The following BZW2 variants were observed in gnomAD, a reference collection of about 807,000 sequenced individuals.
BZW2 encodes eIF5-mimic protein 1.
A neutral mutation model predicts 53.2 loss-of-function variants in BZW2; 23 were observed. The ratio of observed to expected loss-of-function variants is 0.43; its 90% CI spans 0.31 to 0.61. The LOEUF (loss-of-function observed/expected upper bound fraction) is 0.61. Ranked by LOEUF, BZW2 falls within the 20% of genes least tolerant of loss-of-function variation. BZW2 has a pLI of 0.09. For synonymous variants in BZW2, 227 were observed against 186.4 expected (o/e 1.22, Z -1.77); for missense variants, 409 against 503.1 (o/e 0.81, Z 1.79).
chr7:16,667,292 A>C (rs1414329990), intron 2 of BZW2, among the ~76,000 whole-genome samples: 10 of 148,908 alleles, frequency 6.7e-5, no homozygotes, highest in African/African-American at 2.6e-4. Flanking sequence ...AAAAAAAAAA[A>C]CAAAAAAAAA....
intron 6 of BZW2, among the ~76,000 whole-genome samples, chr7:16,687,802 G>T (rs113720003): frequency 6.6e-6 from 1 of 152,116 alleles, no homozygotes; most frequent in Non-Finnish European, 1.5e-5. Context: ...AGGGAGATGG[G>T]ATTATCCTAC....
chr7:16,651,730 A>C (rs1333999661), intron 1 of BZW2, among the ~76,000 whole-genome samples: 2 of 152,170 alleles, frequency 1.3e-5, no homozygotes, highest in Non-Finnish European at 2.9e-5. Flanking sequence ...TATGTCCCTA[A>C]GAGGCAATAT....
At chr7:16,656,130 TA>T (rs1421390338) in intron 1 of BZW2, among the ~76,000 whole-genome samples, 1 of 150,344 alleles carries the variant, frequency 6.7e-6, no homozygotes, top group Non-Finnish European at 1.5e-5. Flanking sequence ...TGTATATATA[TA>T]AATGACTATA....
At chr7:16,700,297 C>T (rs914160552) in intron 10 of BZW2, among the ~76,000 whole-genome samples, 1 of 152,156 alleles carries the variant, frequency 6.6e-6, no homozygotes, top group Non-Finnish European at 1.5e-5. Context: ...TTCCATACCA[C>T]CGTTAAGAGC....
rs1187427321 is a variant in BZW2, at chr7:16,646,213, T to TGCTGCTGCTGCC, written c.-71_-60dup. On this transcript the variant is annotated 5_prime_UTR_variant, in exon 1 of 12. Transcript: ENST00000258761. ...CATTGTCTGCCGCCACTGCTGCTGC[T>TGCTGCTGCTGCC]GCTGCTGCTGCCGCTGCTGCTGCAC... The TGCTGCTGCTGCC allele has an allele frequency of 1.2e-5, 4 of 345,418 alleles. No individual in the cohort carries two copies. Among genetic ancestry groups the TGCTGCTGCTGCC allele is most frequent in the East Asian group, 1.2e-4 (1 of 8,386 alleles). The allele number at this position is 345,418 out of a possible 1,614,324, so 21.4% of individuals were successfully genotyped here. A position where few individuals can be genotyped will look rare whatever the true frequency, so the allele number is the denominator to read the frequency against.
chr7:16,651,524 G>A (rs796375242), intron 1 of BZW2, among the ~76,000 whole-genome samples: 2 of 152,190 alleles, frequency 1.3e-5, no homozygotes, highest in South Asian at 4.1e-4. Context: ...AATTGAATGG[G>A]ACTATTATAA....
At chr7:16,694,671 T>A (rs1272119987) in intron 7 of BZW2, among the ~76,000 whole-genome samples, 163 bp from the exon 8 acceptor site, 4 of 152,232 alleles carry the variant, frequency 2.6e-5, no homozygotes, top group Non-Finnish European at 4.4e-5. Context: ...TTTCAGAAGA[T>A]GTTTAGCTCA....
chr7:16,697,005 G>A lies in BZW2; in HGVS notation c.913G>A (p.Val305Ile), dbSNP rs777582035. 1 of 1,614,204 alleles carries A rather than the reference G, an allele frequency of 6.2e-7. No homozygotes were observed. The highest frequency in any genetic ancestry group is 1.1e-5 in the South Asian group (1 of 91,086). ...GLLWTCIMNA[V>I]EWNKKEELVA... ...TCTGTGGACATGTATAATGAACGCT[G>A]TTGAGTGGAACAAGAAGGAAGAACT... The change falls in exon 9 of 12, where the codon GTT (valine) becomes ATT (isoleucine). Residue 305 changes from valine to isoleucine, a missense_variant. Transcript: ENST00000258761.
intron 7 of BZW2, among the ~76,000 whole-genome samples, chr7:16,691,383 T>C (rs778001749): frequency 7.2e-5 from 11 of 152,226 alleles, no homozygotes; most frequent in Non-Finnish European, 1.6e-4. Context: ...GAGGTTCATA[T>C]GAAGGGAACA....
At chr7:16,690,901 TA>T (rs1263486420) in intron 7 of BZW2, among the ~76,000 whole-genome samples, 2 of 152,180 alleles carry the variant, frequency 1.3e-5, no homozygotes, top group Non-Finnish European at 1.5e-5. Context: ...GGATGAAGTG[TA>T]AAAATAAGAC....
chr7:16,667,796 G>A (rs1461826074), intron 2 of BZW2, among the ~76,000 whole-genome samples: 2 of 151,692 alleles, frequency 1.3e-5, no homozygotes, highest in Admixed American at 6.6e-5. Context: ...TTCATTTCTG[G>A]CCTATCCGCA....
At chr7:16,673,925 G>A (rs1048401646) in intron 2 of BZW2, among the ~76,000 whole-genome samples, 13 of 151,288 alleles carry the variant, frequency 8.6e-5, no homozygotes, top group Non-Finnish European at 1.5e-4. Context: ...TTGAGACAGC[G>A]TTTCACTCTT....
chr7:16,682,960 G>T, intron 5 of BZW2, 115 bp downstream of exon 5: 1 of 497,586 alleles, frequency 2.0e-6, no homozygotes, highest in Non-Finnish European at 3.3e-6. Flanking sequence ...CACTTTGGGA[G>T]GCCGAGACGG....
At chr7:16,662,095 G>A (rs1296773929) in intron 1 of BZW2, 1 of 152,054 alleles carries the variant, frequency 6.6e-6, no homozygotes, top group Non-Finnish European at 1.5e-5. Context: ...AGGGCTTAGT[G>A]AGTACCTTAT....
intron 3 of BZW2, among the ~76,000 whole-genome samples, chr7:16,675,788 T>C (rs1782745184): frequency 6.6e-6 from 1 of 152,168 alleles, no homozygotes; most frequent in African/African-American, 2.4e-5. Flanking sequence ...CTTCTGGAAA[T>C]CTCTTTAGCA....
At chr7:16,697,089 C>T (rs767664266) in intron 9 of BZW2, 28 bp downstream of exon 9, 1 of 1,602,150 alleles carries the variant, frequency 6.2e-7, no homozygotes, top group Admixed American at 1.7e-5. Context: ...GGAACTGACC[C>T]AGCCAAGGGC....
intron 7 of BZW2, 95 bp downstream of exon 7, chr7:16,690,001 C>A: frequency 1.3e-6 from 1 of 788,124 alleles, no homozygotes; most frequent in Non-Finnish European, 1.9e-6. Context: ...ATCCCTGGAT[C>A]TGTGTTGACT....
intron 11 of BZW2, among the ~76,000 whole-genome samples, chr7:16,705,444 G>A (rs1035785320): frequency 6.6e-6 from 1 of 152,158 alleles, no homozygotes. Context: ...CCAGCACTTT[G>A]GGAGGCCAAG....
chr7:16,706,031 A>G, intron 11 of BZW2, 29 bp from the exon 12 acceptor site: 1 of 1,613,328 alleles, frequency 6.2e-7, no homozygotes, highest in Non-Finnish European at 8.5e-7. Flanking sequence ...ATCTGGGAGG[A>G]AATATCTCAC....
Sources: allele counts gnomAD v4.1 joint callset (sites outside exome capture counted in the v4.1 genomes callset), GRCh38; gene constraint gnomAD v4.1.1; transcripts MANE v1.5; gene names NCBI Gene and HGNC (gene_info 2026-07-23, HGNC 2026-07-21).